RASA3: variants seen among roughly 807,000 people sequenced by gnomAD.
RASA3 encodes the protein RAS p21 protein activator 3, also known as ras GTPase-activating protein 3.
RASA3 carries 73 observed loss-of-function variants against 110.0 expected under a neutral mutation model. The ratio of observed to expected loss-of-function variants is 0.66; its 90% CI spans 0.55 to 0.81. RASA3 has a LOEUF of 0.81. Ranked by LOEUF, RASA3 falls within the 30% of genes least tolerant of loss-of-function variation. The probability of loss-of-function intolerance (pLI) is 0.00; values close to 1 mark genes in which losing one functional copy is unlikely to be tolerated. For synonymous variants in RASA3, 500 were observed against 451.4 expected (o/e 1.11, Z -1.37); for missense variants, 976 against 1,113.2 (o/e 0.88, Z 1.75).
At chr13:114,032,293 T>C (rs1328537633) in intron 4 of RASA3, among the ~76,000 whole-genome samples, 1 of 152,136 alleles carries the variant, frequency 6.6e-6, no homozygotes, top group East Asian at 1.9e-4. Context: ...AGAGCCAACA[T>C]TCTTTTCTGC....
Position 114,057,394 on chromosome 13 carries a change from C to T in RASA3, c.174-5239G>A, listed in dbSNP as rs992627729. 7.4e-5 allele frequency: 73 copies of T among 985,186 alleles called. No individual in the cohort carries two copies. The highest frequency in any genetic ancestry group is 8.4e-5 in the Non-Finnish European group (70 of 829,914). The allele number at this position is 985,186 out of a possible 1,614,324, so 61.0% of individuals were successfully genotyped here. ...GAAGGCATTGCAGGGCAGTGGGGTC[C>T]GGAGAGGCGGCCGTGCTACAGGCCT... is the stretch of plus-strand genomic sequence containing the variant. On this transcript the variant is annotated intron_variant, in intron 2 of 23. Coordinates refer to ENST00000334062, the MANE Select transcript of RASA3 (RefSeq NM_007368.4). The surrounding 1 kb of genome is among the most constrained non-coding windows in gnomAD (Gnocchi z 5.0).
At chr13:113,980,455 G>A (rs530921449) in intron 23 of RASA3, among the ~76,000 whole-genome samples, 1 of 98,902 alleles carries the variant, frequency 1.0e-5, no homozygotes, top group Non-Finnish European at 2.1e-5. Flanking sequence ...CCATGTGTGT[G>A]CACCTCCACC....
At chr13:114,013,939 T>C (rs1410557547) in intron 14 of RASA3, among the ~76,000 whole-genome samples, 1 of 91,538 alleles carries the variant, frequency 1.1e-5, no homozygotes, top group Non-Finnish European at 2.1e-5. Flanking sequence ...TCTCTCCCTG[T>C]CTCTATCTCT....
intron 3 of RASA3, among the ~76,000 whole-genome samples, chr13:114,043,837 G>GCCCCCCCCCCCCCCCCCCGCCT (rs544129523): frequency 4.4e-5 from 1 of 22,826 alleles, no homozygotes; most frequent in Non-Finnish European, 7.1e-5. Flanking sequence ...CACTCGCTGA[G>GCCCCCCCCCCCCCCCCCCGCCT]CCCCCCGCCC....
Position 114,027,844 on chromosome 13 carries a change from T to C in RASA3, c.530+3A>G, listed in dbSNP as rs1286917546. On this transcript the variant is annotated splice_donor_region_variant and intron_variant, in intron 6 of 23. Coordinates refer to ENST00000334062, the MANE Select transcript of RASA3 (RefSeq NM_007368.4). ...CAGAAACCTGAAGCGTGAGGCAACT[T>C]GCCTGAAGGGTCCTGCCAGCGTCAC... 6.2e-7 allele frequency: 1 copy of C among 1,613,282 alleles called. No homozygotes were observed. Among genetic ancestry groups the C allele is most frequent in the Non-Finnish European group, 8.5e-7 (1 of 1,179,740 alleles).
Position 114,056,422 on chromosome 13 carries a change from G to A in RASA3, c.174-4267C>T, listed in dbSNP as rs117086655. On this transcript the variant is annotated intron_variant, in intron 2 of 23. Transcript: ENST00000334062. The surrounding 1 kb of genome is among the most constrained non-coding windows in gnomAD (Gnocchi z 5.7). The stretch of plus-strand genomic sequence containing the variant: ...ACCCTGATGCACAGGGTGGGAAACC[G>A]AGGCACTCCAACATCTGATGAAACG... The A allele has an allele frequency of 0.043, 41,903 of 982,806 alleles. 1,027 individuals carry two copies. The highest frequency in any genetic ancestry group is 0.078 in the Middle Eastern group (149 of 1,906). The allele number at this position is 982,806 out of a possible 1,614,324, so 60.9% of individuals were successfully genotyped here. A position where few individuals can be genotyped will look rare whatever the true frequency, so the allele number is the denominator to read the frequency against.
intron 13 of RASA3, among the ~76,000 whole-genome samples, chr13:114,015,967 G>T (rs2053781658): frequency 6.6e-6 from 1 of 152,110 alleles, no homozygotes; most frequent in Non-Finnish European, 1.5e-5. Flanking sequence ...AGCTGGCCGG[G>T]ACCCCCCAGG....
intron 8 of RASA3, 54 bp downstream of exon 8, chr13:114,024,225 G>C: frequency 6.7e-7 from 1 of 1,482,232 alleles, no homozygotes; most frequent in Non-Finnish European, 9.4e-7. Context: ...CAAAAGAGCT[G>C]AGGAGTTTGG....
At chr13:114,055,655 AGG>A (rs2079231913) in intron 2 of RASA3, among the ~76,000 whole-genome samples, 1 of 152,244 alleles carries the variant, frequency 6.6e-6, no homozygotes. Context: ...AGCAACTTTC[AGG>A]GCCACTGAGG....
At position 114,081,670 on chromosome 13, in the gene RASA3, G is replaced by A. The variant is rs74116468; in HGVS notation, c.56-7833C>T. On this transcript the variant is annotated intron_variant, in intron 1 of 23. Coordinates refer to ENST00000334062, the MANE Select transcript of RASA3 (RefSeq NM_007368.4). ...AGACAGGGGACCTCTCCTCCACAGA[G>A]ACGTGTCCACCAGGAGACTGAGGCA... 2.9e-3 allele frequency among the ~76,000 whole-genome samples: 445 copies of A among 152,352 alleles called. 4 individuals are homozygous for A. Among genetic ancestry groups the A allele is most frequent in the African/African-American group, 0.01 (433 of 41,572 alleles).
At chr13:114,090,217 G>A (rs542051306) in intron 1 of RASA3, among the ~76,000 whole-genome samples, 8 of 152,334 alleles carry the variant, frequency 5.3e-5, no homozygotes, top group Non-Finnish European at 1.0e-4. Context: ...CCACCCGGCT[G>A]CCTGCCCAGG....
At chr13:114,031,790 C>T (rs751326544) in intron 4 of RASA3, among the ~76,000 whole-genome samples, 1 of 152,214 alleles carries the variant, frequency 6.6e-6, no homozygotes, top group Non-Finnish European at 1.5e-5. Context: ...CCTGAGGCTC[C>T]GGGAAGGCCA....
At chr13:113,992,453 G>A (rs372389930) in intron 22 of RASA3, 32 bp downstream of exon 22, 16 of 1,565,110 alleles carry the variant, frequency 1.0e-5, no homozygotes, top group East Asian at 6.8e-5. Context: ...CCATCCCCTC[G>A]CTGCACAGAT....
At chr13:114,038,724 G>A (rs1407782925) in intron 4 of RASA3, among the ~76,000 whole-genome samples, 2 of 138,998 alleles carry the variant, frequency 1.4e-5, no homozygotes, top group African/African-American at 5.2e-5. Context: ...AGAGGACGAG[G>A]GTTCCCAGAG....
intron 1 of RASA3, among the ~76,000 whole-genome samples, chr13:114,082,691 C>T (rs775542189): frequency 2.6e-5 from 4 of 152,196 alleles, no homozygotes; most frequent in Admixed American, 6.5e-5. Flanking sequence ...ACCCAAGCAA[C>T]GTTTAGTTCA....
intron 4 of RASA3, among the ~76,000 whole-genome samples, chr13:114,038,182 GC>G (rs2054317465): frequency 6.6e-6 from 1 of 152,232 alleles, no homozygotes; most frequent in African/African-American, 2.4e-5. Context: ...CTGCTCAGAG[GC>G]CGTTGTGACG....
At position 114,123,560 on chromosome 13, in the gene RASA3, G is replaced by A. The variant is rs116008202; in HGVS notation, c.55+8875C>T. 7.7e-3 allele frequency among the ~76,000 whole-genome samples: 1,177 copies of A among 152,324 alleles called. 10 individuals are homozygous for A. Among genetic ancestry groups the A allele is most frequent in the African/African-American group, 0.027 (1,106 of 41,568 alleles). ...CAGACCCGGGCTGCAGCTTGGAGAC[G>A]ATGACGTCCAAAAACCAAGCTCCAG... On this transcript the variant is annotated intron_variant, in intron 1 of 23. Transcript: ENST00000334062.
chr13:113,993,940 G>A (rs1474443463), intron 21 of RASA3, among the ~76,000 whole-genome samples: 1 of 152,192 alleles, frequency 6.6e-6, no homozygotes, highest in Non-Finnish European at 1.5e-5. Context: ...CAACAGGGAG[G>A]GCCTGATAGG....
At chr13:114,037,906 G>T (rs368884344) in intron 4 of RASA3, among the ~76,000 whole-genome samples, 1 of 149,948 alleles carries the variant, frequency 6.7e-6, no homozygotes, top group African/African-American at 2.5e-5. Flanking sequence ...GAGCACGGCC[G>T]TCCGTTCGGG....
Sources: allele counts gnomAD v4.1 joint callset (sites outside exome capture counted in the v4.1 genomes callset), GRCh38; gene constraint gnomAD v4.1.1; non-coding constraint Gnocchi (gnomAD v3.1); transcripts MANE v1.5; gene names NCBI Gene and HGNC (gene_info 2026-07-23, HGNC 2026-07-21).